The following STXBP4 variants were observed in gnomAD, a reference collection of about 807,000 sequenced individuals.
The protein encoded by STXBP4 is syntaxin binding protein 4, also known as syntaxin-binding protein 4.
In STXBP4, 55 loss-of-function variants were observed where a neutral mutation model predicts 76.1. That is an observed-to-expected ratio of 0.72 (90% confidence interval 0.58 to 0.91). STXBP4 has a LOEUF of 0.91. Ranked by LOEUF, STXBP4 falls within the 40% of genes least tolerant of loss-of-function variation. STXBP4 has a pLI of 0.00. For synonymous variants in STXBP4, 201 were observed against 220.2 expected, an observed-to-expected ratio of 0.91 and a Z score of 0.77; for missense variants, 618 against 636.9, an observed-to-expected ratio of 0.97 and a Z score of 0.32.
At chr17:55,120,880 G>C (rs2079836262) in intron 16 of STXBP4, among the ~76,000 whole-genome samples, 1 of 151,962 alleles carries the variant, frequency 6.6e-6, no homozygotes, top group Non-Finnish European at 1.5e-5. Flanking sequence ...CCTCAGAGTT[G>C]CATCAGCTCA....
intron 12 of STXBP4, among the ~76,000 whole-genome samples, chr17:55,049,027 T>G (rs2078826184): frequency 6.6e-6 from 1 of 151,938 alleles, no homozygotes; most frequent in Admixed American, 6.6e-5. Flanking sequence ...AAGCAACTTA[T>G]GAAGGCAATA....
At chr17:55,211,799 G>GTTTTTTT in the STXBP4 span, among the ~76,000 whole-genome samples, 67 of 48,988 alleles carry the variant, frequency 1.4e-3, 7 homozygotes, top group African/African-American at 2.4e-3. Context: ...GTTTTTTGTT[G>GTTTTTTT]TTTTTTTTTT....
chr17:55,049,886 G>A (rs145054340), intron 12 of STXBP4, among the ~76,000 whole-genome samples: 1 of 151,958 alleles, frequency 6.6e-6, no homozygotes, highest in African/African-American at 2.4e-5. Flanking sequence ...CTAGATAAAA[G>A]GACCAGGCAA....
intron 1 of STXBP4, among the ~76,000 whole-genome samples, chr17:54,971,113 A>G (rs2077393438): frequency 6.6e-6 from 1 of 152,224 alleles, no homozygotes; most frequent in Admixed American, 6.5e-5. Context: ...TTTCTTGTAT[A>G]CCCTTCACCA....
At chr17:55,038,586 C>G (rs1259669603) in intron 10 of STXBP4, among the ~76,000 whole-genome samples, 1 of 151,838 alleles carries the variant, frequency 6.6e-6, no homozygotes, top group Admixed American at 6.6e-5. Context: ...AATTATCTTA[C>G]TGTGAGTCTA....
chr17:55,142,254 A>G (rs2080102007), intron 17 of STXBP4, among the ~76,000 whole-genome samples: 1 of 152,168 alleles, frequency 6.6e-6, no homozygotes, highest in African/African-American at 2.4e-5. Flanking sequence ...AATTCCTTTT[A>G]TGTCAGAATT....
At chr17:55,109,853 G>T (rs1393022224) in intron 16 of STXBP4, among the ~76,000 whole-genome samples, 1 of 152,044 alleles carries the variant, frequency 6.6e-6, no homozygotes, top group Non-Finnish European at 1.5e-5. Flanking sequence ...TGGCCAGGCT[G>T]GTTTTGAACT....
intron 12 of STXBP4, among the ~76,000 whole-genome samples, chr17:55,054,546 G>A (rs1479609380): frequency 6.6e-6 from 1 of 152,102 alleles, no homozygotes; most frequent in Non-Finnish European, 1.5e-5. Flanking sequence ...AGTAGATAAT[G>A]GGGTTTGGAG....
chr17:55,157,722 G>A (rs1164076589), intron 17 of STXBP4, among the ~76,000 whole-genome samples: 2 of 152,182 alleles, frequency 1.3e-5, no homozygotes, highest in Non-Finnish European at 2.9e-5. Flanking sequence ...AACAATTTGT[G>A]TAGGGGGAAC....
intron 11 of STXBP4, 129 bp from the exon 12 acceptor site, chr17:55,046,960 C>T (rs117194356): frequency 0.014 from 7,598 of 546,672 alleles, 89 homozygotes; most frequent in Non-Finnish European, 0.015. Flanking sequence ...AGAAAAATGA[C>T]TAGGAGCAAT....
chr17:55,182,279 C>T, the STXBP4 span, among the ~76,000 whole-genome samples: 1 of 151,788 alleles, frequency 6.6e-6, no homozygotes, highest in Non-Finnish European at 1.5e-5. Flanking sequence ...AATTGGAAAC[C>T]ACAGAAAAGG....
At chr17:55,044,332 TATA>T (rs1156948951) in intron 11 of STXBP4, 4 of 151,716 alleles carry the variant, frequency 2.6e-5, no homozygotes, top group Non-Finnish European at 5.9e-5. Flanking sequence ...TTAAATAAGG[TATA>T]GTATATTGAT....
At chr17:55,135,343 A>G (rs1353007319) in intron 16 of STXBP4, among the ~76,000 whole-genome samples, 1 of 152,140 alleles carries the variant, frequency 6.6e-6, no homozygotes, top group East Asian at 1.9e-4. Flanking sequence ...ATGTAAAATT[A>G]TATATGTATA....
At position 55,040,759 on chromosome 17, in the gene STXBP4, A is replaced by G. The variant is rs1208052379; in HGVS notation, c.856-2477A>G. ...AAAGTTCGGGAGATCCAAGGATCACAAATGATATTGCGAGAACCAGACAGG... is the reference window on the plus strand; with the variant it reads ...AAAGTTCGGGAGATCCAAGGATCACGAATGATATTGCGAGAACCAGACAGG... On this transcript the variant is annotated intron_variant, in intron 10 of 17. Transcript: ENST00000376352. Among the ~76,000 whole-genome samples, 3 of 152,210 alleles carry G rather than the reference A, an allele frequency of 2.0e-5. No individual in the cohort carries two copies. In the East Asian group the frequency reaches 5.8e-4, roughly 29 times the overall value.
intron 8 of STXBP4, among the ~76,000 whole-genome samples, chr17:55,022,294 TTC>T (rs1279861460): frequency 2.7e-5 from 4 of 145,870 alleles, no homozygotes; most frequent in African/African-American, 7.4e-5. Flanking sequence ...CATATATACT[TTC>T]TGTTATTTTT....
At chr17:55,023,134 A>G (rs1246340394) in intron 8 of STXBP4, among the ~76,000 whole-genome samples, 9 of 152,226 alleles carry the variant, frequency 5.9e-5, no homozygotes, top group African/African-American at 1.2e-4. Context: ...ATACATGGCT[A>G]TATTCTGGGA....
intron 16 of STXBP4, among the ~76,000 whole-genome samples, chr17:55,098,198 G>A (rs1201271421): frequency 6.6e-6 from 1 of 152,070 alleles, no homozygotes; most frequent in East Asian, 1.9e-4. Context: ...GAGAACACGT[G>A]AGAAACCGTG....
rs189641157 is a variant in STXBP4 at position 55,036,614 on chromosome 17, T to C, written c.855+2355T>C. On this transcript the variant is annotated intron_variant, in intron 10 of 17. Transcript: ENST00000376352. ...TGAGTTGCTAATAGTCTTATTAACT[T>C]ATATATTTCTTTATTTTTGTTTCTG... 1.8e-4 allele frequency among the ~76,000 whole-genome samples: 27 copies of C among 152,042 alleles called. 1 individual carries two copies. Among genetic ancestry groups the C allele is most frequent in the Middle Eastern group, 6.8e-3 (2 of 294 alleles).
Position 55,016,334 on chromosome 17 carries a change from G to T in STXBP4, c.666+8737G>T, listed in dbSNP as rs185533772. On this transcript the variant is annotated intron_variant, in intron 8 of 17. Transcript: ENST00000376352. ...CTAGTCCTTTACCAGTGTGCCCAAC[G>T]TTGCCTTTGTGCTCAGGGGTGAGTC... is the stretch of plus-strand genomic sequence containing the variant. Among the ~76,000 whole-genome samples the T allele has an allele frequency of 5.3e-5, 8 of 152,212 alleles. No homozygotes were observed. The East Asian group carries it at 1.4e-3, about 26-fold the overall frequency.
Sources: allele counts gnomAD v4.1 joint callset (sites outside exome capture counted in the v4.1 genomes callset), GRCh38; gene constraint gnomAD v4.1.1; transcripts MANE v1.5; gene names NCBI Gene and HGNC (gene_info 2026-07-23, HGNC 2026-07-21).